Variants in CNTRL observed in about 807,000 individuals in gnomAD.
CNTRL encodes centriolin, also known as 110 kDa centrosomal protein.
In CNTRL, 233 loss-of-function variants were observed where a neutral mutation model predicts 303.7. The observed-to-expected ratio is 0.77, with a 90% confidence interval of 0.69 to 0.86. CNTRL has a LOEUF of 0.86. CNTRL is among the 40% of genes least tolerant of loss of function. The pLI, the probability that CNTRL is intolerant of heterozygous loss-of-function variation, is 0.00. For missense variants in CNTRL, 2,524 were observed against 2,650.6 expected, an observed-to-expected ratio of 0.95 and a Z score of 1.05; for synonymous variants, 900 against 922.2, an observed-to-expected ratio of 0.98 and a Z score of 0.44.
chr9:121,099,319 A>G (rs1039240790), intron 7 of CNTRL, among the ~76,000 whole-genome samples: 2 of 152,218 alleles, frequency 1.3e-5, no homozygotes, highest in Non-Finnish European at 2.9e-5. Context: ...GCGAACTCCA[A>G]CAGACCTGCA....
chr9:121,113,254 A>T (rs957075322), intron 9 of CNTRL, among the ~76,000 whole-genome samples: 6 of 152,186 alleles, frequency 3.9e-5, no homozygotes, highest in African/African-American at 1.4e-4. Context: ...TTAATCAATC[A>T]GTCCAAACTT....
chr9:121,177,449 TA>T lies in CNTRL; in HGVS notation c.*272del, dbSNP rs145610547. 1,345 of 355,206 alleles carry T rather than the reference TA, an allele frequency of 3.8e-3. 19 individuals are homozygous for T. The highest frequency in any genetic ancestry group is 0.026 in the African/African-American group (1,214 of 47,162). 22.0% of individuals were successfully genotyped at this position (355,206 alleles called of 1,614,324 possible). A position where few individuals can be genotyped will look rare whatever the true frequency, so the allele number is the denominator to read the frequency against. On this transcript the variant is annotated 3_prime_UTR_variant, in exon 44 of 44. Coordinates refer to ENST00000373855, the MANE Select transcript of CNTRL (RefSeq NM_007018.6). Reference sequence around the variant, plus strand: ...TTTTTTTTAATCTTCGTAACATGTTTAAAAAAAAACAGTGATTTTAACTGCA... The same window carrying T: ...TTTTTTTTAATCTTCGTAACATGTTTAAAAAAAACAGTGATTTTAACTGCA...
chr9:121,119,672 T>C (rs2050144851), intron 12 of CNTRL, among the ~76,000 whole-genome samples: 1 of 151,714 alleles, frequency 6.6e-6, no homozygotes, highest in Non-Finnish European at 1.5e-5. Flanking sequence ...ATTTTTGTAT[T>C]TTTGGTAGAG....
intron 8 of CNTRL, among the ~76,000 whole-genome samples, chr9:121,110,726 AG>A (rs1428356766): frequency 3.3e-5 from 5 of 152,058 alleles, no homozygotes; most frequent in African/African-American, 1.2e-4. Flanking sequence ...ATGTTTATAT[AG>A]GAGAGCAAAT....
chr9:121,083,260 T>A (rs1190976248), intron 2 of CNTRL, among the ~76,000 whole-genome samples: 3 of 152,226 alleles, frequency 2.0e-5, no homozygotes, highest in Non-Finnish European at 2.9e-5. Flanking sequence ...ACTTTAAACT[T>A]TTTAAAAACT....
chr9:121,136,414 A>C (rs544535615), intron 15 of CNTRL, among the ~76,000 whole-genome samples: 1 of 151,906 alleles, frequency 6.6e-6, no homozygotes, highest in African/African-American at 2.4e-5. Context: ...GGTTCAAGTG[A>C]TTTTCCTGCC....
At chr9:121,114,953 A>C (rs1445896440) in intron 10 of CNTRL, 138 bp from the exon 11 acceptor site, 6 of 537,326 alleles carry the variant, frequency 1.1e-5, no homozygotes, top group Non-Finnish European at 2.0e-5. Flanking sequence ...AATTACTTTA[A>C]AATTTTTTTG....
At position 121,177,533 on chromosome 9, in the gene CNTRL, CTTTA is replaced by C. The variant is rs1293014182; in HGVS notation, c.*353_*356del. The C allele has an allele frequency of 8.9e-5, 23 of 258,708 alleles. No homozygotes were observed. Among genetic ancestry groups the C allele is most frequent in the South Asian group, 4.8e-4 (3 of 6,284 alleles). 16.0% of individuals were successfully genotyped at this position (258,708 alleles called of 1,614,324 possible). On this transcript the variant is annotated 3_prime_UTR_variant, in exon 44 of 44. Transcript: ENST00000373855. ...ACAAAAAGAATGTACTTAAGGCCCT[CTTTA>C]TTTATAGTGTCGAGTTATTTTTGAA...
At position 121,160,143 on chromosome 9, in the gene CNTRL, G is replaced by A; in HGVS notation, c.4930G>A (p.Glu1644Lys). The A allele has an allele frequency of 1.4e-6, 2 of 1,456,860 alleles. No homozygotes were observed. The highest frequency in any genetic ancestry group is 1.8e-6 in the Non-Finnish European group (2 of 1,106,468). 90.2% of individuals were successfully genotyped at this position (1,456,860 alleles called of 1,614,324 possible). A position where few individuals can be genotyped will look rare whatever the true frequency, so the allele number is the denominator to read the frequency against. Reference sequence around the variant, plus strand: ...ATAACTTTTTTTTTTTCAAACACAGGAAGTAAAATCTCTTCTGGAAGAACT... The same window carrying A: ...ATAACTTTTTTTTTTTCAAACACAGAAAGTAAAATCTCTTCTGGAAGAACT... ...EVTEKCNHIR[E>K]VKSLLEELSF... The change falls in exon 32 of 44, where the codon GAA becomes AAA. Residue 1644 changes from glutamate to lysine, a missense_variant and splice_region_variant. By Grantham distance (56) the Glu-to-Lys change is moderately conservative (BLOSUM62 1). Coordinates refer to ENST00000373855, the MANE Select transcript of CNTRL (RefSeq NM_007018.6).
chr9:121,107,979 A>T lies in CNTRL; in HGVS notation c.986A>T (p.Asn329Ile), dbSNP rs1248186057. ...TGTGAGGAACTCAAGAGTGACTTAA[A>T]CACAAAAAATGAATTGGTAAGTTCA... ...QSCEELKSDL[N>I]TKNELLKQKT... The change falls in exon 8 of 44, where the codon AAC becomes ATC. Residue 329 changes from asparagine (N) to isoleucine (I), a missense_variant. Physicochemically the swap from Asn to Ile is moderately radical, Grantham distance 149. Transcript: ENST00000373855. The T allele has an allele frequency of 6.3e-7, 1 of 1,577,962 alleles. No individual in the cohort carries two copies. Among genetic ancestry groups the T allele is most frequent in the South Asian group, 1.2e-5 (1 of 84,824 alleles).
intron 14 of CNTRL, among the ~76,000 whole-genome samples, chr9:121,126,883 G>A (rs1410964506): frequency 3.3e-5 from 5 of 151,676 alleles, no homozygotes; most frequent in East Asian, 1.9e-4. Flanking sequence ...GTGCAGTGGC[G>A]CAATCTCGGC....
At position 121,167,495 on chromosome 9, in the gene CNTRL, C is replaced by G; in HGVS notation, c.5662C>G (p.Leu1888Val). The change falls in exon 37 of 44, where the codon CTT becomes GTT. Residue 1888 changes from leucine (L) to valine (V), a missense_variant. Physicochemically the swap from Leu to Val is conservative, Grantham distance 32. Coordinates refer to ENST00000373855, the MANE Select transcript of CNTRL (RefSeq NM_007018.6). ...DHLNLAKQDL[L>V]HTTKHQDVLL... ...CTTGTTCTTTCACCTAAAGGACCTG[C>G]TTCACACCACCAAGCATCAGGATGT... The G allele has an allele frequency of 2.5e-6, 4 of 1,612,732 alleles. No individual in the cohort carries two copies. The highest frequency in any genetic ancestry group is 3.4e-6 in the Non-Finnish European group (4 of 1,179,504).
At chr9:121,087,314 C>G (rs1377073596) in intron 2 of CNTRL, among the ~76,000 whole-genome samples, 2 of 152,058 alleles carry the variant, frequency 1.3e-5, no homozygotes, top group Non-Finnish European at 2.9e-5. Context: ...TCAATCTGGA[C>G]TGAGTGTAGG....
In CNTRL at chr9:121,150,313, C is replaced by T. The variant is rs2052150916; in HGVS notation, c.3793C>T (p.Pro1265Ser). The change falls in exon 25 of 44, where the codon CCA becomes TCA. Residue 1265 changes from proline (P) to serine (S), a missense_variant. Pro to Ser is a moderately conservative substitution (Grantham distance 74). Transcript: ENST00000373855. ...ACCCCAGGGCATGGCCCTGTATGCA[C>T]CACCTCCTCCCTTGCCAAACAATAG... ...PVPQGMALYA[P>S]PPPLPNNSRP... The T allele has an allele frequency of 6.2e-6, 10 of 1,614,010 alleles. No individual in the cohort carries two copies. The highest frequency in any genetic ancestry group is 8.5e-6 in the Non-Finnish European group (10 of 1,180,032).
At chr9:121,149,010 C>T (rs757493942) in intron 24 of CNTRL, 149 bp downstream of exon 24, 19 of 676,304 alleles carry the variant, frequency 2.8e-5, no homozygotes, top group East Asian at 5.7e-5. Flanking sequence ...GACCTCTTGT[C>T]GTTGTTTTAA....
chr9:121,169,691 A>G lies in CNTRL; in HGVS notation c.6151A>G (p.Met2051Val), dbSNP rs779924424. Residue 2051 changes from methionine (M) to valine (V), a missense_variant, in exon 39 of 44, where the codon ATG becomes GTG. By Grantham distance (21) the Met-to-Val change is conservative. Transcript: ENST00000373855. The part of the protein sequence containing the change: ...LLALQKEADS[M>V]RADFSLLRNQ... ...GGCCCTCCAGAAAGAGGCAGATTCT[A>G]TGAGGGCAGACTTCAGCCTTCTGCG... is the stretch of plus-strand genomic sequence containing the variant. 1.1e-5 allele frequency: 18 copies of G among 1,614,090 alleles called. No homozygotes were observed. The highest frequency in any genetic ancestry group is 8.0e-5 in the African/African-American group (6 of 74,932).
chr9:121,139,390 A>G (rs1167069576), intron 16 of CNTRL, among the ~76,000 whole-genome samples: 1 of 152,162 alleles, frequency 6.6e-6, no homozygotes, highest in Non-Finnish European at 1.5e-5. Flanking sequence ...ATAAAAGGGC[A>G]GAGTTTATGT....
intron 25 of CNTRL, among the ~76,000 whole-genome samples, chr9:121,151,130 T>G (rs890149981): frequency 2.0e-5 from 3 of 152,118 alleles, no homozygotes; most frequent in African/African-American, 7.2e-5. Context: ...CTCTAGGTGG[T>G]GGGATTTATT....
chr9:121,126,857 T>C (rs2050556671), intron 14 of CNTRL, among the ~76,000 whole-genome samples: 1 of 152,108 alleles, frequency 6.6e-6, no homozygotes, highest in Non-Finnish European at 1.5e-5. Context: ...TTTTCGCTCT[T>C]GTTGCCCAGG....
Sources: allele counts gnomAD v4.1 joint callset (sites outside exome capture counted in the v4.1 genomes callset), GRCh38; gene constraint gnomAD v4.1.1; transcripts MANE v1.5; gene names NCBI Gene and HGNC (gene_info 2026-07-23, HGNC 2026-07-21).